RPS6KA2: variants seen among roughly 807,000 people sequenced by gnomAD.
RPS6KA2 encodes the protein ribosomal protein S6 kinase A2.
In RPS6KA2, 42 loss-of-function variants were observed where a neutral mutation model predicts 91.8. The observed-to-expected ratio is 0.46, with a 90% CI of 0.36 to 0.59. The LOEUF (loss-of-function observed/expected upper bound fraction) is 0.59. RPS6KA2 is among the 20% of genes least tolerant of loss of function. The pLI, the probability that RPS6KA2 is intolerant of heterozygous loss-of-function variation, is 0.00. For synonymous variants in RPS6KA2, 414 were observed against 393.6 expected (o/e 1.05, Z -0.61); for missense variants, 798 against 978.5 (o/e 0.82, Z 2.46).
intron 2 of RPS6KA2, among the ~76,000 whole-genome samples, chr6:166,801,328 GTTTAT>G (rs10534491): frequency 0.62 from 93,027 of 150,308 alleles, 28,888 homozygotes; most frequent in Admixed American, 0.63. Flanking sequence ...GGAAAGGGAG[GTTTAT>G]TTTATTTTAT....
rs138399109 is a variant in RPS6KA2, at chr6:166,531,266, G to A, written c.264C>T (p.Tyr88=). Residue 88 remains tyrosine (Y), a synonymous_variant, in exon 3 of 21, where the codon TAC becomes TAT. Transcript: ENST00000265678. Reference sequence around the variant, plus strand: ...TGGCTTTCTTAAGGACCTTCATGGCGTAGAGCTGCCCAGCGTCGGACCCCT... The same window carrying A: ...TGGCTTTCTTAAGGACCTTCATGGCATAGAGCTGCCCAGCGTCGGACCCCT... ...KVKGSDAGQL[Y]AMKVLKKATL... The A allele has an allele frequency of 4.3e-6, 7 of 1,614,096 alleles. No individual in the cohort carries two copies. The highest frequency in any genetic ancestry group is 1.3e-5 in the African/African-American group (1 of 75,024).
intron 2 of RPS6KA2, among the ~76,000 whole-genome samples, chr6:166,855,849 G>T (rs931750476): frequency 2.0e-5 from 3 of 152,118 alleles, no homozygotes; most frequent in Non-Finnish European, 4.4e-5. Flanking sequence ...CCTAAAATCT[G>T]TTTGGAACTC....
At chr6:166,841,252 CA>C (rs1290255997) in intron 2 of RPS6KA2, among the ~76,000 whole-genome samples, 1 of 151,984 alleles carries the variant, frequency 6.6e-6, no homozygotes, top group Non-Finnish European at 1.5e-5. Context: ...GATCGTGTAT[CA>C]AAAAAATAAA....
rs192208086 is a variant in RPS6KA2, at chr6:166,826,127, G to T, written c.123+32073C>A. ...TTTACTAAGAAAAACAAATGTAAAT[G>T]TTATTAAGCGGCTGGGAAAAACAAA... On this transcript the variant is annotated intron_variant, in intron 2 of 21. Coordinates refer to the RPS6KA2 transcript ENST00000503859. 1.8e-3 allele frequency among the ~76,000 whole-genome samples: 277 copies of T among 152,254 alleles called. 1 individual carries two copies. Among genetic ancestry groups the T allele is most frequent in the African/African-American group, 6.4e-3 (266 of 41,550 alleles).
intron 2 of RPS6KA2, among the ~76,000 whole-genome samples, chr6:166,744,972 G>A (rs1463542629): frequency 6.6e-6 from 1 of 152,128 alleles, no homozygotes; most frequent in Non-Finnish European, 1.5e-5. Flanking sequence ...AATAACAGAG[G>A]CTCGTGGTTG....
At chr6:166,608,878 C>T (rs193037510) in intron 1 of RPS6KA2, among the ~76,000 whole-genome samples, 4 of 152,210 alleles carry the variant, frequency 2.6e-5, no homozygotes, top group African/African-American at 9.6e-5. Flanking sequence ...AAACAACCGG[C>T]AAGCTAAGGC....
intron 2 of RPS6KA2, among the ~76,000 whole-genome samples, chr6:166,688,335 C>T (rs946833595): frequency 6.6e-5 from 10 of 152,182 alleles, no homozygotes; most frequent in African/African-American, 1.4e-4. Context: ...ACAGGGCCCC[C>T]GCCAGGGTCC....
chr6:166,685,024 G>A (rs1253675192), intron 2 of RPS6KA2, among the ~76,000 whole-genome samples: 3 of 152,248 alleles, frequency 2.0e-5, no homozygotes, highest in Admixed American at 2.0e-4. Context: ...AGATGTCACT[G>A]CGGGATGGTA....
At chr6:166,664,022 T>C (rs1486836933) in intron 2 of RPS6KA2, among the ~76,000 whole-genome samples, 2 of 152,254 alleles carry the variant, frequency 1.3e-5, no homozygotes, top group Non-Finnish European at 1.5e-5. Flanking sequence ...GACAGTTCAG[T>C]CATGGTTGAA....
intron 2 of RPS6KA2, among the ~76,000 whole-genome samples, chr6:166,698,335 T>C (rs1789412645): frequency 6.6e-6 from 1 of 152,140 alleles, no homozygotes; most frequent in African/African-American, 2.4e-5. Context: ...GTGATGACTC[T>C]TAAAAAACTT....
At chr6:166,538,217 C>T (rs574105836) in intron 2 of RPS6KA2, among the ~76,000 whole-genome samples, 14 of 152,276 alleles carry the variant, frequency 9.2e-5, no homozygotes, top group African/African-American at 2.4e-4. Context: ...GGAGGGGAGC[C>T]GGCTGCAGAC....
intron 3 of RPS6KA2, among the ~76,000 whole-genome samples, chr6:166,529,423 G>GGGTGGAGGGAT (rs1238080126): frequency 2.6e-5 from 4 of 152,164 alleles, no homozygotes; most frequent in Admixed American, 2.0e-4. Context: ...GCCTGTGGTG[G>GGGTGGAGGGAT]GGTGGAGGGA....
In RPS6KA2 at chr6:166,748,532, CG is replaced by C. The variant is rs1338343641; in HGVS notation, c.123+109667del. On this transcript the variant is annotated intron_variant, in intron 2 of 21. Transcript: ENST00000503859. ...AGCCTCCATGGGGGCCCCACCTCCTCGGGCCCCCCATCCCCTTGGGCCCCCA... is the reference window on the plus strand; with the variant it reads ...AGCCTCCATGGGGGCCCCACCTCCTCGGCCCCCCATCCCCTTGGGCCCCCA... Among the ~76,000 whole-genome samples the C allele has an allele frequency of 4.7e-5, 7 of 147,556 alleles. No homozygotes were observed. In the South Asian group the frequency reaches 8.7e-4, roughly 18 times the overall value.
intron 2 of RPS6KA2, among the ~76,000 whole-genome samples, chr6:166,652,866 AT>A (rs1787900326): frequency 6.6e-6 from 1 of 152,142 alleles, no homozygotes; most frequent in African/African-American, 2.4e-5. Context: ...TGTCATCAAT[AT>A]TCCATCAGGG....
chr6:166,441,259 G>A (rs764621364), intron 14 of RPS6KA2, among the ~76,000 whole-genome samples: 1 of 152,186 alleles, frequency 6.6e-6, no homozygotes, highest in Non-Finnish European at 1.5e-5. Context: ...CACTGTGGCT[G>A]TGAAGGCATC....
chr6:166,634,404 G>A (rs563772022), intron 2 of RPS6KA2, among the ~76,000 whole-genome samples: 10 of 152,158 alleles, frequency 6.6e-5, no homozygotes, highest in Non-Finnish European at 1.2e-4. Context: ...CCTCTGAGTT[G>A]CTCCTCCCCC....
At chr6:166,522,291 A>G (rs1419368278) in intron 3 of RPS6KA2, among the ~76,000 whole-genome samples, 1 of 152,230 alleles carries the variant, frequency 6.6e-6, no homozygotes, top group Admixed American at 6.5e-5. Flanking sequence ...GAAGATGAGC[A>G]ATGGCTGTGT....
chr6:166,630,580 C>T (rs910127820), upstream of RPS6KA2, among the ~76,000 whole-genome samples: 4 of 152,232 alleles, frequency 2.6e-5, no homozygotes, highest in African/African-American at 9.6e-5. Flanking sequence ...AGCAGGAAGT[C>T]GTGCTTTTCC....
chr6:166,558,317 C>T (rs1391229042), intron 1 of RPS6KA2, among the ~76,000 whole-genome samples: 1 of 152,110 alleles, frequency 6.6e-6, no homozygotes, highest in African/African-American at 2.4e-5. Context: ...AGGCAGGAGG[C>T]GTCCCTCTTC....
Sources: allele counts gnomAD v4.1 joint callset (sites outside exome capture counted in the v4.1 genomes callset), GRCh38; gene constraint gnomAD v4.1.1; transcripts MANE v1.5; gene names NCBI Gene and HGNC (gene_info 2026-07-23, HGNC 2026-07-21).